The following FRMPD1 variants were observed in gnomAD, a reference collection of about 807,000 sequenced individuals.
FRMPD1 encodes FERM and PDZ domain containing 1.
FRMPD1 carries 76 observed loss-of-function variants against 117.8 expected under a neutral mutation model. The observed-to-expected ratio is 0.65, with a 90% CI of 0.54 to 0.78. FRMPD1 has a LOEUF of 0.78. Among genes scored for constraint, FRMPD1 ranks in the 30% least tolerant of loss-of-function variants. The probability of loss-of-function intolerance (pLI) is 0.00; values close to 1 mark genes in which losing one functional copy is unlikely to be tolerated. For synonymous variants in FRMPD1, 783 were observed against 770.4 expected, an observed-to-expected ratio of 1.02 and a Z score of -0.27; for missense variants, 1,786 against 1,964.5, an observed-to-expected ratio of 0.91 and a Z score of 1.72.
the FRMPD1 span, among the ~76,000 whole-genome samples, chr9:37,635,344 T>C: frequency 6.6e-6 from 1 of 152,202 alleles, no homozygotes; most frequent in Admixed American, 6.5e-5. Flanking sequence ...AGGTGGAGAT[T>C]AGTATTGCCC....
At chr9:37,692,133 G>GT (rs1822160512) in intron 1 of FRMPD1, among the ~76,000 whole-genome samples, 2 of 152,096 alleles carry the variant, frequency 1.3e-5, no homozygotes, top group Non-Finnish European at 2.9e-5. Context: ...AGCTAGTGTT[G>GT]AATTATGTAA....
Position 37,707,584 on chromosome 9 carries a change from A to C in FRMPD1, c.259+11A>C, listed in dbSNP as rs1260752523. 6.2e-7 allele frequency: 1 copy of C among 1,610,314 alleles called. No individual in the cohort carries two copies. The highest frequency in any genetic ancestry group is 1.3e-5 in the African/African-American group (1 of 74,802). ...TGGCTGTCACAGCAGGTAGGGGATG[A>C]CTGGGAAATGAGAAAGGAGTTTGGT... On this transcript the variant is annotated intron_variant, in intron 3 of 15. Transcript: ENST00000377765.
chr9:37,722,489 C>A (rs1823440660), intron 6 of FRMPD1, among the ~76,000 whole-genome samples: 1 of 151,682 alleles, frequency 6.6e-6, no homozygotes, highest in South Asian at 2.1e-4. Context: ...CTCACTGCAA[C>A]CTCCGCCTTC....
chr9:37,699,171 C>T (rs1466776486), intron 2 of FRMPD1, among the ~76,000 whole-genome samples: 1 of 152,068 alleles, frequency 6.6e-6, no homozygotes, highest in East Asian at 1.9e-4. Context: ...CGTGACCAGC[C>T]TCATTACCTA....
intron 1 of FRMPD1, among the ~76,000 whole-genome samples, chr9:37,692,360 A>G (rs1233637200): frequency 6.6e-6 from 1 of 152,156 alleles, no homozygotes; most frequent in African/African-American, 2.4e-5. Flanking sequence ...CACAGTCACA[A>G]AGTTTGAGAA....
chr9:37,732,390 A>G lies in FRMPD1; in HGVS notation c.945A>G (p.Glu315=), dbSNP rs1220540814. The change falls in exon 10 of 16, where the codon GAA becomes GAG. Residue 315 remains glutamate, a synonymous_variant. Transcript: ENST00000377765. ...ALRLAALHIQ[E]RIYACAQPQK... ...GACTCGCGGCTCTGCACATCCAGGAACGGATCTACGCCTGTGCCCAGCCAC... is the reference window on the plus strand; with the variant it reads ...GACTCGCGGCTCTGCACATCCAGGAGCGGATCTACGCCTGTGCCCAGCCAC... 27 of 1,613,834 alleles carry G rather than the reference A, an allele frequency of 1.7e-5. No individual in the cohort carries two copies. The highest frequency in any genetic ancestry group is 2.2e-5 in the Non-Finnish European group (26 of 1,180,016).
chr9:37,739,928 C>T (rs1189193231), intron 14 of FRMPD1, 150 bp from the exon 15 acceptor site: 8 of 611,056 alleles, frequency 1.3e-5, no homozygotes, highest in African/African-American at 3.7e-5. Context: ...CCTCGGATCC[C>T]GTGTTCGTCA....
intron 6 of FRMPD1, among the ~76,000 whole-genome samples, chr9:37,722,245 G>A (rs1011658): frequency 0.22 from 33,075 of 151,578 alleles, 3,913 homozygotes; most frequent in East Asian, 0.31. Context: ...GGAGACAGAG[G>A]CTGCAGTGAA....
the FRMPD1 span, among the ~76,000 whole-genome samples, chr9:37,623,979 A>T: frequency 6.6e-6 from 1 of 152,228 alleles, no homozygotes; most frequent in Non-Finnish European, 1.5e-5. Flanking sequence ...GGAGAGGTGC[A>T]TATGGTTCGG....
chr9:37,744,611 T>G lies in FRMPD1; in HGVS notation c.2579T>G (p.Leu860Arg). The part of the protein sequence containing the change: ...VSFPLVPSAS[L>R]ESVDDVCYYD... ...TTTCCCCTGGTGCCATCAGCCTCCC[T>G]GGAGAGTGTAGACGACGTGTGCTAC... Residue 860 changes from leucine to arginine, a missense_variant, in exon 16 of 16, where the codon CTG becomes CGG. Physicochemically the swap from Leu to Arg is moderately radical, Grantham distance 102. Transcript: ENST00000377765. The G allele has an allele frequency of 6.2e-7, 1 of 1,614,030 alleles. No individual in the cohort carries two copies.
At chr9:37,722,316 AAAAG>A (rs1271813907) in intron 6 of FRMPD1, among the ~76,000 whole-genome samples, 2 of 152,114 alleles carry the variant, frequency 1.3e-5, no homozygotes, top group South Asian at 2.1e-4. Context: ...CAAAAAAAAA[AAAAG>A]AGAGAGATGA....
intron 1 of FRMPD1, among the ~76,000 whole-genome samples, chr9:37,654,923 T>C (rs1451133924): frequency 6.6e-6 from 1 of 152,250 alleles, no homozygotes; most frequent in Non-Finnish European, 1.5e-5. Context: ...CTGCTGCTGC[T>C]CCTGCTACAA....
At position 37,740,633 on chromosome 9, in the gene FRMPD1, G is replaced by T. The variant is rs2118484692; in HGVS notation, c.2105G>T (p.Ser702Ile). 2 of 1,614,146 alleles carry T rather than the reference G, an allele frequency of 1.2e-6. No individual in the cohort carries two copies. The highest frequency in any genetic ancestry group is 4.5e-5 in the East Asian group (2 of 44,880). ...VRLDPRLYEGSHADYYSLCSS... is the reference protein window; with the variant it reads ...VRLDPRLYEGIHADYYSLCSS... ...CTGGACCCCAGGCTGTATGAAGGCA[G>T]CCACGCTGACTACTACAGCCTGTGT... is the stretch of plus-strand genomic sequence containing the variant. Residue 702 changes from serine (S) to isoleucine (I), a missense_variant, in exon 15 of 16, where the codon AGC (serine) becomes ATC (isoleucine). Transcript: ENST00000377765. The surrounding 1 kb of genome is among the most constrained non-coding windows in gnomAD (Gnocchi z 4.2).
chr9:37,731,240 A>G, intron 9 of FRMPD1, 137 bp downstream of exon 9: 1 of 742,712 alleles, frequency 1.3e-6, no homozygotes, highest in South Asian at 1.7e-5. Context: ...AATGGGCCTG[A>G]TCATCGCTCA....
At chr9:37,721,477 T>C (rs982496932) in intron 6 of FRMPD1, among the ~76,000 whole-genome samples, 2 of 152,222 alleles carry the variant, frequency 1.3e-5, no homozygotes, top group Non-Finnish European at 2.9e-5. Flanking sequence ...AGTAAAACTT[T>C]ATACTTAGCA....
intron 6 of FRMPD1, among the ~76,000 whole-genome samples, chr9:37,720,093 A>G (rs1171096233): frequency 6.6e-6 from 1 of 152,210 alleles, no homozygotes; most frequent in African/African-American, 2.4e-5. Flanking sequence ...GACATGGTCC[A>G]CATCTACAGA....
chr9:37,638,085 T>A, the FRMPD1 span, among the ~76,000 whole-genome samples: 1 of 151,120 alleles, frequency 6.6e-6, no homozygotes, highest in Non-Finnish European at 1.5e-5. Context: ...TTCTTTTCTT[T>A]TCTTTCGAGA....
the FRMPD1 span, among the ~76,000 whole-genome samples, chr9:37,626,448 T>C: frequency 7.9e-4 from 113 of 143,496 alleles, 1 homozygote; most frequent in Non-Finnish European, 1.1e-3. Flanking sequence ...GAGGTTGCAG[T>C]GAGCTGAGAT....
At chr9:37,617,780 C>T in the FRMPD1 span, among the ~76,000 whole-genome samples, 6 of 152,172 alleles carry the variant, frequency 3.9e-5, no homozygotes, top group African/African-American at 1.4e-4. Context: ...ACACTCTGGG[C>T]GGTCCCTACA....
Sources: allele counts gnomAD v4.1 joint callset (sites outside exome capture counted in the v4.1 genomes callset), GRCh38; gene constraint gnomAD v4.1.1; non-coding constraint Gnocchi (gnomAD v3.1); transcripts MANE v1.5; gene names NCBI Gene and HGNC (gene_info 2026-07-23, HGNC 2026-07-21).